Variants in PPP1R15B observed in about 807,000 individuals in gnomAD.
PPP1R15B encodes protein phosphatase 1 regulatory subunit 15B, also known as protein phosphatase 1, regulatory (inhibitor) subunit 15B.
PPP1R15B carries 31 observed loss-of-function variants against 53.9 expected under a neutral mutation model. The ratio of observed to expected loss-of-function variants is 0.58; its 90% confidence interval spans 0.43 to 0.78. The LOEUF (loss-of-function observed/expected upper bound fraction) is 0.78, where lower values mean the gene tolerates loss of function less well. PPP1R15B is among the 30% of genes least tolerant of loss of function. The pLI is 0.00. For missense variants in PPP1R15B, 928 were observed against 849.6 expected, an observed-to-expected ratio of 1.09 and a Z score of -1.15; for synonymous variants, 345 against 329.1, an observed-to-expected ratio of 1.05 and a Z score of -0.52.
chr1:204,407,601 C>T (rs975422815), intron 1 of PPP1R15B, among the ~76,000 whole-genome samples: 5 of 152,190 alleles, frequency 3.3e-5, no homozygotes, highest in African/African-American at 1.2e-4. Flanking sequence ...TAACACCTTA[C>T]TAGTTATTGC....
chr1:204,409,385 T>C (rs970590048), intron 1 of PPP1R15B, 107 bp downstream of exon 1: 6 of 1,273,142 alleles, frequency 4.7e-6, no homozygotes, highest in Non-Finnish European at 6.5e-6. Flanking sequence ...TTTAGAGGCC[T>C]TCCTCAAAAA....
At chr1:204,406,425 CAT>C in intron 1 of PPP1R15B, 112 bp from the exon 2 acceptor site, 1 of 1,321,296 alleles carries the variant, frequency 7.6e-7, no homozygotes, top group Non-Finnish European at 1.0e-6. Context: ...CTAAGAATAA[CAT>C]ATTATTATTA....
At position 204,411,113 on chromosome 1, in the gene PPP1R15B, G is replaced by C. The variant is rs1674367171; in HGVS notation, c.299C>G (p.Ala100Gly). 1 of 1,614,222 alleles carries C rather than the reference G, an allele frequency of 6.2e-7. No homozygotes were observed. The highest frequency in any genetic ancestry group is 8.5e-7 in the Non-Finnish European group (1 of 1,180,040). ...GGCTCTCAGGGCGCTGTAGACTCCAGCAAAATCTAGCCATCTGGTCGGAAA... is the reference window on the plus strand; with the variant it reads ...GGCTCTCAGGGCGCTGTAGACTCCACCAAAATCTAGCCATCTGGTCGGAAA... ...GMFPTRWLDF[A>G]GVYSALRALK... Residue 100 changes from alanine (A) to glycine (G), a missense_variant, in exon 1 of 2, where the codon GCT (alanine) becomes GGT (glycine). Physicochemically the swap from Ala to Gly is moderately conservative, Grantham distance 60. Coordinates refer to ENST00000367188, the MANE Select transcript of PPP1R15B (RefSeq NM_032833.5).
In PPP1R15B at chr1:204,404,646, G is replaced by A. The variant is rs1674234930; in HGVS notation, c.*1446C>T. On this transcript the variant is annotated 3_prime_UTR_variant, in exon 2 of 2. Coordinates refer to ENST00000367188, the MANE Select transcript of PPP1R15B (RefSeq NM_032833.5). ...AAATAAAATAATGACCAGGTAGATT[G>A]TAAACTGAGGTAGTAACCCTGTAAG... is the stretch of plus-strand genomic sequence containing the variant. 4 of 985,768 alleles carry A rather than the reference G, an allele frequency of 4.1e-6. No individual in the cohort carries two copies. The highest frequency in any genetic ancestry group is 4.8e-6 in the Non-Finnish European group (4 of 829,866). The allele number at this position is 985,768 out of a possible 1,614,324, so 61.1% of individuals were successfully genotyped here.
At position 204,410,560 on chromosome 1, in the gene PPP1R15B, A is replaced by G; in HGVS notation, c.852T>C (p.Pro284=). Residue 284 remains proline (P), a synonymous_variant, in exon 1 of 2, where the codon CCT becomes CCC. Coordinates refer to ENST00000367188, the MANE Select transcript of PPP1R15B (RefSeq NM_032833.5). ...TTTCTGGTAGGCCTTCCGTAGAAAG[A>G]GGTGGACATCCCTGCCACGAGGCCG... ...LIPASWQGCP[P]LSTEGLPEIH... 6.2e-7 allele frequency: 1 copy of G among 1,614,046 alleles called. No homozygotes were observed. Among genetic ancestry groups the G allele is most frequent in the Non-Finnish European group, 8.5e-7 (1 of 1,179,952 alleles).
downstream of PPP1R15B, among the ~76,000 whole-genome samples, chr1:204,399,582 T>C (rs1394884059): frequency 6.6e-6 from 1 of 151,940 alleles, no homozygotes; most frequent in East Asian, 1.9e-4. Context: ...AAGTTGTTAT[T>C]CAACAAATAT....
In PPP1R15B at chr1:204,411,351, A is replaced by G. The variant is rs772348311; in HGVS notation, c.61T>C (p.Trp21Arg). Residue 21 changes from tryptophan to arginine, a missense_variant, in exon 1 of 2, where the codon TGG becomes CGG. Coordinates refer to ENST00000367188, the MANE Select transcript of PPP1R15B (RefSeq NM_032833.5). The stretch of plus-strand genomic sequence containing the variant: ...GATCGCCGAGGGAAAAAGGGTGGCC[A>G]GAACCGGAAGCCCGCCCGAGGGCCA... ...RLGPRAGFRF[W>R]PPFFPRRSQA... is the part of the protein sequence containing the mutation. The G allele has an allele frequency of 1.1e-5, 18 of 1,613,800 alleles. No individual in the cohort carries two copies. Among genetic ancestry groups the G allele is most frequent in the Admixed American group, 6.7e-5 (4 of 60,012 alleles).
chr1:204,406,144 T>G lies in PPP1R15B; in HGVS notation c.2090A>C (p.Asn697Thr). 1 of 1,614,174 alleles carries G rather than the reference T, an allele frequency of 6.2e-7. No individual in the cohort carries two copies. The highest frequency in any genetic ancestry group is 8.5e-7 in the Non-Finnish European group (1 of 1,180,008). Residue 697 changes from asparagine to threonine, a missense_variant, in exon 2 of 2, where the codon AAT (asparagine) becomes ACT (threonine). Physicochemically the swap from Asn to Thr is moderately conservative, Grantham distance 65 (BLOSUM62 0). Coordinates refer to ENST00000367188, the MANE Select transcript of PPP1R15B (RefSeq NM_032833.5). ...LTFEHRERMF[N>T]RLQGTCFKGL... ...TTTGAAGCATGTTCCCTGGAGTCTA[T>G]TAAACATTCTTTCTCTGTGTTCAAA...
downstream of PPP1R15B, among the ~76,000 whole-genome samples, chr1:204,398,770 A>T (rs1007311771): frequency 6.6e-6 from 1 of 152,186 alleles, no homozygotes; most frequent in Non-Finnish European, 1.5e-5. Flanking sequence ...ACCCAAAGCC[A>T]ATCTTCTGCC....
downstream of PPP1R15B, among the ~76,000 whole-genome samples, chr1:204,396,594 C>G (rs1185422103): frequency 1.3e-5 from 2 of 150,638 alleles, no homozygotes; most frequent in African/African-American, 2.4e-5. Flanking sequence ...GCAATGGCTG[C>G]CAAAAGCTGG....
chr1:204,396,007 T>C (rs1161034992), downstream of PPP1R15B, among the ~76,000 whole-genome samples: 1 of 152,092 alleles, frequency 6.6e-6, no homozygotes, highest in Non-Finnish European at 1.5e-5. Context: ...AATGAACAAA[T>C]AGTGGTATAA....
chr1:204,407,914 G>C (rs1176205479), intron 1 of PPP1R15B, among the ~76,000 whole-genome samples: 1 of 152,062 alleles, frequency 6.6e-6, no homozygotes, highest in Non-Finnish European at 1.5e-5. Context: ...ATCATATTCA[G>C]ACATAATCAT....
Position 204,405,628 on chromosome 1 carries a change from AT to A in PPP1R15B, c.*463del, listed in dbSNP as rs1169275020. 2 of 982,774 alleles carry A rather than the reference AT, an allele frequency of 2.0e-6. No homozygotes were observed. The highest frequency in any genetic ancestry group is 3.5e-5 in the African/African-American group (2 of 57,186). The allele number at this position is 982,774 out of a possible 1,614,324, so 60.9% of individuals were successfully genotyped here. A position where few individuals can be genotyped will look rare whatever the true frequency, so the allele number is the denominator to read the frequency against. On this transcript the variant is annotated 3_prime_UTR_variant, in exon 2 of 2. Coordinates refer to ENST00000367188, the MANE Select transcript of PPP1R15B (RefSeq NM_032833.5). ...AGGCCAAATCATTGAAATAAAAAAA[AT>A]ATAGAAAAACATAAAAGCCCATTAA... is the stretch of plus-strand genomic sequence containing the variant.
Position 204,406,151 on chromosome 1 carries a change from T to C in PPP1R15B, c.2083A>G (p.Met695Val), listed in dbSNP as rs1259963039. The change falls in exon 2 of 2, where the codon ATG becomes GTG. Residue 695 changes from methionine to valine, a missense_variant. Met to Val is a conservative substitution (Grantham distance 21). Transcript: ENST00000367188. ...YCLTFEHRERMFNRLQGTCFK... is the reference protein window; with the variant it reads ...YCLTFEHRERVFNRLQGTCFK... ...CATGTTCCCTGGAGTCTATTAAACATTCTTTCTCTGTGTTCAAATGTCAAG... is the reference window on the plus strand; with the variant it reads ...CATGTTCCCTGGAGTCTATTAAACACTCTTTCTCTGTGTTCAAATGTCAAG... 3 of 1,614,076 alleles carry C rather than the reference T, an allele frequency of 1.9e-6. No homozygotes were observed. Among genetic ancestry groups the C allele is most frequent in the South Asian group, 1.1e-5 (1 of 91,090 alleles).
chr1:204,402,808 T>C (rs1013501817), downstream of PPP1R15B, among the ~76,000 whole-genome samples: 1 of 151,938 alleles, frequency 6.6e-6, no homozygotes, highest in African/African-American at 2.4e-5. Flanking sequence ...ACACGGTGGC[T>C]CACGCCTGTA....
downstream of PPP1R15B, chr1:204,400,889 G>T: frequency 4.3e-6 from 1 of 233,244 alleles, no homozygotes; most frequent in Non-Finnish European, 7.1e-6. Flanking sequence ...AAGATTACAA[G>T]AACAAAACCT....
chr1:204,407,034 C>T (rs1042126222), intron 1 of PPP1R15B, among the ~76,000 whole-genome samples: 1 of 152,014 alleles, frequency 6.6e-6, no homozygotes, highest in Non-Finnish European at 1.5e-5. Flanking sequence ...GATATTTTTC[C>T]CTCAAAATGA....
At chr1:204,407,454 A>C (rs1342539716) in intron 1 of PPP1R15B, among the ~76,000 whole-genome samples, 1 of 152,190 alleles carries the variant, frequency 6.6e-6, no homozygotes, top group Non-Finnish European at 1.5e-5. Flanking sequence ...TTTCTTTCTA[A>C]GATATCAAAC....
downstream of PPP1R15B, among the ~76,000 whole-genome samples, chr1:204,398,314 C>T (rs1024513834): frequency 2.0e-5 from 3 of 152,048 alleles, no homozygotes; most frequent in African/African-American, 7.3e-5. Flanking sequence ...CCCATCTCTA[C>T]ACACAAAAAT....
Sources: allele counts gnomAD v4.1 joint callset (sites outside exome capture counted in the v4.1 genomes callset), GRCh38; gene constraint gnomAD v4.1.1; transcripts MANE v1.5; gene names NCBI Gene and HGNC (gene_info 2026-07-23, HGNC 2026-07-21).